The following AFF2 variants were observed in gnomAD, a reference collection of about 807,000 sequenced individuals.
AFF2 encodes ALF transcription elongation factor 2, also known as AF4/FMR2 family member 2.
A neutral mutation model predicts 76.9 loss-of-function variants in AFF2; 14 were observed. The ratio of observed to expected loss-of-function variants is 0.18; its 90% confidence interval spans 0.12 to 0.28. AFF2 has a LOEUF of 0.28. AFF2 is among the 10% of genes least tolerant of loss of function. The probability of loss-of-function intolerance (pLI) is 1.00; values close to 1 mark genes in which losing one functional copy is unlikely to be tolerated. For synonymous variants in AFF2, 398 were observed against 366.7 expected, an observed-to-expected ratio of 1.09 and a Z score of -0.98; for missense variants, 868 against 1,001.1, an observed-to-expected ratio of 0.87 and a Z score of 1.79.
At chrX:148,807,448 C>G (rs2070150694) in intron 3 of AFF2, among the ~76,000 whole-genome samples, 1 of 111,845 alleles carries the variant, frequency 8.9e-6, no homozygotes, top group Non-Finnish European at 1.9e-5. Context: ...TTATTCTTTC[C>G]TTTTCTTTTA....
chrX:148,802,954 C>T (rs1406076839), intron 3 of AFF2, among the ~76,000 whole-genome samples: 1 of 111,669 alleles, frequency 9.0e-6, no homozygotes, highest in Non-Finnish European at 1.9e-5. Context: ...TTGCAGTCTT[C>T]TCTTTTATTA....
At chrX:148,975,758 A>C (rs959864458) in intron 16 of AFF2, among the ~76,000 whole-genome samples, 10 of 103,432 alleles carry the variant, frequency 9.7e-5, no homozygotes, top group African/African-American at 3.4e-4. Context: ...TCCCAGCTAA[A>C]ACGGTGAAAC....
chrX:148,744,335 T>C (rs1202788123), intron 3 of AFF2, among the ~76,000 whole-genome samples: 1 of 111,980 alleles, frequency 8.9e-6, no homozygotes, highest in African/African-American at 3.2e-5. Context: ...AAAATTGTAT[T>C]ATTTTATTAT....
chrX:148,982,894 T>A (rs973811150), intron 19 of AFF2, among the ~76,000 whole-genome samples: 3 of 112,331 alleles, frequency 2.7e-5, no homozygotes, highest in Non-Finnish European at 5.6e-5. Flanking sequence ...TAGAAAAATA[T>A]GAGAGAAAAC....
rs868950139 is a variant in AFF2 at position 148,581,502 on chromosome X, A to G, written c.48-70497A>G. Among the ~76,000 whole-genome samples the G allele has an allele frequency of 3.8e-4, 36 of 94,732 alleles. 3 individuals carry two copies. The highest frequency in any genetic ancestry group is 1.4e-3 in the African/African-American group (34 of 23,629). 82.3% of individuals were successfully genotyped at this position (94,732 alleles called of 115,157 possible). A position where few individuals can be genotyped will look rare whatever the true frequency, so the allele number is the denominator to read the frequency against. On this transcript the variant is annotated intron_variant, in intron 1 of 20. Transcript: ENST00000370460. ...CGTATACGTCTACGTGTACACACAT[A>G]TATACGTATACGTCTACGTGTACAC... is the stretch of plus-strand genomic sequence containing the variant.
At chrX:148,518,357 C>T (rs955506634) in intron 1 of AFF2, among the ~76,000 whole-genome samples, 14 of 111,896 alleles carry the variant, frequency 1.3e-4, no homozygotes, top group Non-Finnish European at 7.5e-5. Context: ...TTTACTTGGG[C>T]GGTGGTCTCT....
At chrX:148,565,951 G>A (rs1316909136) in intron 1 of AFF2, among the ~76,000 whole-genome samples, 2 of 111,018 alleles carry the variant, frequency 1.8e-5, no homozygotes, top group African/African-American at 6.6e-5. Flanking sequence ...CTATGAGTTA[G>A]GTTAAAGGTA....
chrX:148,895,125 T>A (rs1557280175), intron 8 of AFF2, among the ~76,000 whole-genome samples: 1 of 111,143 alleles, frequency 9.0e-6, no homozygotes, highest in African/African-American at 3.3e-5. Context: ...CCTGTAGCCT[T>A]TTCCGAGTGC....
intron 8 of AFF2, among the ~76,000 whole-genome samples, chrX:148,903,730 G>A (rs2071379094): frequency 8.9e-6 from 1 of 111,771 alleles, no homozygotes; most frequent in Admixed American, 9.5e-5. Context: ...AGGGACACTC[G>A]ACTTTCTATC....
At chrX:148,918,278 T>C (rs781960322) in intron 9 of AFF2, among the ~76,000 whole-genome samples, 3 of 112,689 alleles carry the variant, frequency 2.7e-5, no homozygotes, top group African/African-American at 9.7e-5. Flanking sequence ...AGTATTCAAA[T>C]TGTAGCTCTT....
chrX:148,652,047 G>A lies in AFF2; in HGVS notation c.96G>A (p.Arg32=). The change falls in exon 2 of 21, where the codon CGG becomes CGA. Residue 32 remains arginine, a synonymous_variant. Coordinates refer to ENST00000370460, the MANE Select transcript of AFF2 (RefSeq NM_002025.4). ...CACTTAAAAAAAGGGAATGGGAGCG[G>A]AGGAATCAAGAAGTCCAGCAAGAAG... ...RSALKKREWE[R]RNQEVQQEDD... 2 of 1,203,239 alleles carry A rather than the reference G, an allele frequency of 1.7e-6. No individual in the cohort carries two copies. The highest frequency in any genetic ancestry group is 1.1e-6 in the Non-Finnish European group (1 of 888,170).
At chrX:148,577,279 ATGTG>A (rs199980349) in intron 1 of AFF2, among the ~76,000 whole-genome samples, 4 of 109,067 alleles carry the variant, frequency 3.7e-5, no homozygotes, top group East Asian at 2.9e-4. Context: ...ATTACCTTGG[ATGTG>A]TGTGTGTGTG....
chrX:148,870,586 A>C (rs1427699107), intron 7 of AFF2, among the ~76,000 whole-genome samples: 5 of 111,639 alleles, frequency 4.5e-5, no homozygotes, highest in African/African-American at 1.3e-4. Flanking sequence ...TTTTCTTTCC[A>C]CTAAATCACA....
chrX:148,952,108 TC>T (rs1277642344), intron 9 of AFF2, among the ~76,000 whole-genome samples: 7 of 111,563 alleles, frequency 6.3e-5, no homozygotes, highest in African/African-American at 2.3e-4. Flanking sequence ...TCCTATTCCT[TC>T]CCAAGCAGCA....
rs782127044 is a variant in AFF2 at position 148,783,905 on chromosome X, C to T, written c.1042-25971C>T. On this transcript the variant is annotated intron_variant, in intron 3 of 20. Coordinates refer to ENST00000370460, the MANE Select transcript of AFF2 (RefSeq NM_002025.4). ...CATCAGATTCTACAGGCCTTTTGAA[C>T]TAAGGGGGCATCACACAGTATTAGC... 4.5e-5 allele frequency among the ~76,000 whole-genome samples: 5 copies of T among 111,687 alleles called. No individual in the cohort carries two copies. In the East Asian group the frequency reaches 1.4e-3, roughly 32 times the overall value.
chrX:148,872,123 C>T (rs887647413), intron 7 of AFF2, among the ~76,000 whole-genome samples: 7 of 110,650 alleles, frequency 6.3e-5, no homozygotes, highest in Non-Finnish European at 1.3e-4. Context: ...AAAAAGACGG[C>T]TCTATTTAGA....
At chrX:148,889,020 A>C (rs740653) in intron 8 of AFF2, among the ~76,000 whole-genome samples, 1 of 111,632 alleles carries the variant, frequency 9.0e-6, no homozygotes, top group Non-Finnish European at 1.9e-5. Flanking sequence ...GACGTCCCCA[A>C]ATCATCTCAT....
At chrX:148,656,647 C>G (rs1487206546) in intron 2 of AFF2, among the ~76,000 whole-genome samples, 1 of 105,420 alleles carries the variant, frequency 9.5e-6, no homozygotes, top group Non-Finnish European at 2.0e-5. Flanking sequence ...CTACAGGCGC[C>G]CGCCACTACG....
intron 7 of AFF2, among the ~76,000 whole-genome samples, chrX:148,872,362 G>A (rs914125175): frequency 2.7e-5 from 3 of 111,601 alleles, no homozygotes; most frequent in African/African-American, 9.8e-5. Context: ...TCATATGAAA[G>A]GAATCATGTG....
Sources: gnomAD v4.1 joint callset for allele counts (sites outside exome capture counted in the v4.1 genomes callset) on GRCh38, gnomAD v4.1.1 for gene constraint, MANE v1.5 for transcripts, NCBI Gene and HGNC (gene_info 2026-07-23, HGNC 2026-07-21) for gene names.